The following PLCZ1 variants were observed in gnomAD, a reference collection of about 807,000 sequenced individuals.
PLCZ1 encodes the protein 1-phosphatidylinositol 4,5-bisphosphate phosphodiesterase zeta-1.
PLCZ1 carries 64 observed loss-of-function variants against 76.8 expected under a neutral mutation model. The ratio of observed to expected loss-of-function variants is 0.83; its 90% CI spans 0.68 to 1.03. The LOEUF is 1.03. PLCZ1 is among the 50% of genes least tolerant of loss of function. PLCZ1 has a pLI of 0.00. For missense variants in PLCZ1, 751 were observed against 713.7 expected (o/e 1.05, Z -0.60); for synonymous variants, 248 against 230.8 (o/e 1.07, Z -0.68).
At chr12:18,726,668 G>A (rs1958769048) in intron 3 of PLCZ1, among the ~76,000 whole-genome samples, 2 of 152,106 alleles carry the variant, frequency 1.3e-5, no homozygotes, top group African/African-American at 4.8e-5. Context: ...TGCTCAGTTT[G>A]CTAGTAAAAA....
intron 14 of PLCZ1, chr12:18,683,662 G>A: frequency 7.7e-7 from 1 of 1,299,222 alleles, no homozygotes; most frequent in Non-Finnish European, 1.0e-6. Context: ...TTGAGACAAG[G>A]TAATTGGGAG....
rs773624229 is a variant in PLCZ1, at chr12:18,688,194, G to A, written c.1486C>T (p.Leu496Phe). Residue 496 changes from leucine (L) to phenylalanine (F), a missense_variant, in exon 13 of 15, where the codon CTT becomes TTT. By Grantham distance (22) the Leu-to-Phe change is conservative (BLOSUM62 0). Coordinates refer to ENST00000266505, the MANE Select transcript of PLCZ1 (RefSeq NM_033123.4). Reference sequence around the variant, plus strand: ...CCTTTGTTAGATGATGAATGAGTAAGAGGCAACTGGATACCACTGATGAGC... The same window carrying A: ...CCTTTGTTAGATGATGAATGAGTAAAAGGCAACTGGATACCACTGATGAGC... The part of the protein sequence containing the change: ...IRLISGIQLP[L>F]THSSSNKGDS... The A allele has an allele frequency of 1.2e-5, 19 of 1,609,968 alleles. No homozygotes were observed. The Admixed American group carries it at 3.2e-4, about 27-fold the overall frequency.
Position 18,701,713 on chromosome 12 carries a change from TTTCATGGGTTTCCTTTAAGG to T in PLCZ1, c.908_927del (p.Thr303LysfsTer5), listed in dbSNP as rs1159400629. On this transcript the variant is annotated frameshift_variant, in exon 8 of 15. Transcript: ENST00000266505. LOFTEE classifies it high-confidence loss of function. Reference sequence around the variant, plus strand: ...TTACCACGCTTATCAGAACCTTTTCTTTCATGGGTTTCCTTTAAGGTTCCTATTTTCTTATTTTTAACTAA... The same window carrying T: ...TTACCACGCTTATCAGAACCTTTTCTTTCCTATTTTCTTATTTTTAACTAA... The T allele has an allele frequency of 9.9e-6, 16 of 1,612,930 alleles. No homozygotes were observed.
chr12:18,674,087 C>T, the PLCZ1 span, among the ~76,000 whole-genome samples: 1 of 152,130 alleles, frequency 6.6e-6, no homozygotes, highest in South Asian at 2.1e-4. Flanking sequence ...AGTCTGTCTA[C>T]CACAACTGTG....
chr12:18,695,219 G>T, intron 11 of PLCZ1, 140 bp from the exon 12 acceptor site: 2 of 870,436 alleles, frequency 2.3e-6, no homozygotes, highest in South Asian at 1.6e-5. Flanking sequence ...AATAATTCAT[G>T]ATTTTTAAAA....
At chr12:18,695,115 T>C in intron 11 of PLCZ1, 36 bp from the exon 12 acceptor site, 4 of 1,581,668 alleles carry the variant, frequency 2.5e-6, no homozygotes, top group South Asian at 1.1e-5. Context: ...TGTCAGGTAA[T>C]AGAGAATACA....
intron 3 of PLCZ1, among the ~76,000 whole-genome samples, chr12:18,724,026 A>G (rs904967289): frequency 1.3e-5 from 2 of 152,110 alleles, no homozygotes; most frequent in Non-Finnish European, 2.9e-5. Flanking sequence ...GCAGGTACAA[A>G]CAAGATGAGT....
intron 6 of PLCZ1, 123 bp downstream of exon 6, chr12:18,712,719 G>A (rs1957487003): frequency 3.3e-6 from 4 of 1,228,002 alleles, no homozygotes; most frequent in South Asian, 1.3e-5. Flanking sequence ...GCCTACTAAT[G>A]GATCATAACC....
At chr12:18,685,846 G>GCA (rs3055342) in intron 13 of PLCZ1, among the ~76,000 whole-genome samples, 53 of 109,290 alleles carry the variant, frequency 4.8e-4, no homozygotes, top group African/African-American at 1.4e-3. Flanking sequence ...ACACACACGC[G>GCA]CACACACACA....
intron 13 of PLCZ1, chr12:18,685,580 C>A (rs1952984120): frequency 8.0e-6 from 4 of 500,924 alleles, no homozygotes; most frequent in Non-Finnish European, 1.6e-5. Context: ...TACCACATAG[C>A]AATCTAGGGT....
intron 5 of PLCZ1, among the ~76,000 whole-genome samples, chr12:18,718,977 C>T (rs1958271057): frequency 6.6e-6 from 1 of 152,132 alleles, no homozygotes; most frequent in Admixed American, 6.6e-5. Flanking sequence ...CTATAAAAAT[C>T]ACTATCCACA....
At position 18,719,551 on chromosome 12, in the gene PLCZ1, C is replaced by T. The variant is rs753856477; in HGVS notation, c.449G>A (p.Cys150Tyr). ...AGTCATATCTTGATAAACTTTTCTACATTCATTTTTAAACAGTAGACATTC... is the reference window on the plus strand; with the variant it reads ...AGTCATATCTTGATAAACTTTTCTATATTCATTTTTAAACAGTAGACATTC... Reference protein sequence around the residue: ...SRECLLFKNECRKVYQDMTHP... With the variant: ...SRECLLFKNEYRKVYQDMTHP... Residue 150 changes from cysteine (C) to tyrosine (Y), a missense_variant, in exon 5 of 15, where the codon TGT (cysteine) becomes TAT (tyrosine). Coordinates refer to ENST00000266505, the MANE Select transcript of PLCZ1 (RefSeq NM_033123.4). 1.2e-5 allele frequency: 20 copies of T among 1,601,418 alleles called. No individual in the cohort carries two copies. The highest frequency in any genetic ancestry group is 3.4e-5 in the Admixed American group (2 of 59,272).
downstream of PLCZ1, among the ~76,000 whole-genome samples, chr12:18,680,428 T>C (rs558469054): frequency 1.3e-5 from 2 of 152,080 alleles, no homozygotes; most frequent in South Asian, 4.1e-4. Flanking sequence ...GGAAGCTTCC[T>C]CACACCTCTT....
rs746235364 is a variant in PLCZ1, at chr12:18,695,009, A to G, written c.1362T>C (p.Gly454=). The change falls in exon 12 of 15, where the codon GGT becomes GGC. Residue 454 remains glycine, a synonymous_variant. Coordinates refer to ENST00000266505, the MANE Select transcript of PLCZ1 (RefSeq NM_033123.4). The part of the protein sequence containing the change: ...LQNGKFLDNG[G]SGYILKPHFL... ...AATGTGGTTTCAAAATATATCCAGA[A>G]CCACCATTATCCAAAAATTTCCCAT... 1 of 1,612,254 alleles carries G rather than the reference A, an allele frequency of 6.2e-7. No individual in the cohort carries two copies. Among genetic ancestry groups the G allele is most frequent in the Non-Finnish European group, 8.5e-7 (1 of 1,178,534 alleles).
At chr12:18,693,944 C>T (rs1954550633) in intron 12 of PLCZ1, 2 of 1,519,450 alleles carry the variant, frequency 1.3e-6, no homozygotes. Context: ...TAAAGATGAC[C>T]TCTCTGGTGC....
chr12:18,706,248 A>T (rs995217508), intron 6 of PLCZ1, among the ~76,000 whole-genome samples: 2 of 152,078 alleles, frequency 1.3e-5, no homozygotes, highest in African/African-American at 2.4e-5. Flanking sequence ...AAAAATAAAA[A>T]AAAAAAAAGA....
intron 5 of PLCZ1, among the ~76,000 whole-genome samples, chr12:18,717,305 T>C (rs1958099285): frequency 6.6e-6 from 1 of 152,162 alleles, no homozygotes; most frequent in Admixed American, 6.5e-5. Flanking sequence ...AATTGGGCTG[T>C]CTTTACAGAA....
chr12:18,729,916 T>C (rs560069697), intron 3 of PLCZ1, among the ~76,000 whole-genome samples: 18 of 152,272 alleles, frequency 1.2e-4, no homozygotes, highest in Middle Eastern at 3.4e-3. Flanking sequence ...TCAGCTTAGA[T>C]AATGAATAAA....
intron 10 of PLCZ1, among the ~76,000 whole-genome samples, chr12:18,697,525 T>A (rs940883701): frequency 1.3e-5 from 2 of 152,148 alleles, no homozygotes; most frequent in Non-Finnish European, 1.5e-5. Flanking sequence ...GATTTTGTTA[T>A]TTCTGAGATT....
Sources: gnomAD v4.1 joint callset for allele counts (sites outside exome capture counted in the v4.1 genomes callset) on GRCh38, gnomAD v4.1.1 for gene constraint, MANE v1.5 for transcripts, NCBI Gene and HGNC (gene_info 2026-07-23, HGNC 2026-07-21) for gene names.